The following BLZF1 variants were observed in gnomAD, a reference collection of about 807,000 sequenced individuals.
BLZF1 encodes the protein golgin-45.
In BLZF1, 39 loss-of-function variants were observed where a neutral mutation model predicts 43.8. The observed-to-expected ratio is 0.89, with a 90% confidence interval of 0.69 to 1.16. BLZF1 has a LOEUF of 1.16. BLZF1 is among the 50% of genes most tolerant of loss of function. The pLI is 0.00. For missense variants in BLZF1, 449 were observed against 469.8 expected (o/e 0.96, Z 0.41); for synonymous variants, 136 against 159.4 (o/e 0.85, Z 1.11).
rs372729180 is a variant in BLZF1, at chr1:169,381,976, G to A, written c.798-86G>A. The stretch of plus-strand genomic sequence containing the variant: ...CAGAGAAAGATGTTATATAATTTCA[G>A]AAATATTTGTATTACCTATTTACTA... On this transcript the variant is annotated intron_variant, in intron 5 of 6. Coordinates refer to ENST00000367808, the MANE Select transcript of BLZF1 (RefSeq NM_001320973.2). 5.0e-6 allele frequency: 5 copies of A among 1,007,124 alleles called. No individual in the cohort carries two copies. In the African/African-American group the frequency reaches 6.6e-5, roughly 13 times the overall value. The allele number at this position is 1,007,124 out of a possible 1,614,324, so 62.4% of individuals were successfully genotyped here. A position where few individuals can be genotyped will look rare whatever the true frequency, so the allele number is the denominator to read the frequency against.
At chr1:169,369,421 C>G (rs901858522) in intron 1 of BLZF1, 52 bp from the exon 2 acceptor site, 81 of 911,142 alleles carry the variant, frequency 8.9e-5, no homozygotes, top group Non-Finnish European at 1.2e-4. Context: ...TGGAGGTACT[C>G]TATGTGTTTA....
rs1297195838 is a variant in BLZF1 at position 169,388,212 on chromosome 1, A to T, written c.*1030A>T. On this transcript the variant is annotated 3_prime_UTR_variant, in exon 7 of 7. Coordinates refer to ENST00000367808, the MANE Select transcript of BLZF1 (RefSeq NM_001320973.2). ...ATCTTCAAAAGACAAACCTGGTCAA[A>T]TAATAATAATTTTAATGTCAATGAT... The T allele has an allele frequency of 1.3e-5, 2 of 152,326 alleles. No homozygotes were observed. Among genetic ancestry groups the T allele is most frequent in the East Asian group, 3.9e-4 (2 of 5,182 alleles). The allele number at this position is 152,326 out of a possible 1,614,324, so 9.4% of individuals were successfully genotyped here.
chr1:169,386,273 C>G (rs1254535388), intron 6 of BLZF1, among the ~76,000 whole-genome samples: 2 of 152,054 alleles, frequency 1.3e-5, no homozygotes, highest in Non-Finnish European at 2.9e-5. Context: ...AAAAAGTTAT[C>G]AAGGATTTTG....
In BLZF1 at chr1:169,373,949, G is replaced by A. The variant is rs1654210438; in HGVS notation, c.29-2591G>A. Among the ~76,000 whole-genome samples the A allele has an allele frequency of 3.9e-5, 6 of 152,112 alleles. No homozygotes were observed. The South Asian group carries it at 1.2e-3, about 32-fold the overall frequency. Reference sequence around the variant, plus strand: ...CATGGCTGTAGTGCGTGTTTTTATTGTTGATGGTTTTTATTAATTTATAGT... The same window carrying A: ...CATGGCTGTAGTGCGTGTTTTTATTATTGATGGTTTTTATTAATTTATAGT... On this transcript the variant is annotated intron_variant, in intron 2 of 6. Transcript: ENST00000367808.
chr1:169,375,476 T>C (rs142833395), intron 2 of BLZF1, among the ~76,000 whole-genome samples: 200 of 141,172 alleles, frequency 1.4e-3, no homozygotes, highest in African/African-American at 5.0e-3. Flanking sequence ...CAATCAGTAG[T>C]TCATGATTGT....
In BLZF1 at chr1:169,376,727, A is replaced by C. The variant is rs564287842; in HGVS notation, c.216A>C (p.Lys72Asn). 9 of 1,613,274 alleles carry C rather than the reference A, an allele frequency of 5.6e-6. No individual in the cohort carries two copies. Among genetic ancestry groups the C allele is most frequent in the Non-Finnish European group, 5.1e-6 (6 of 1,179,616 alleles). The stretch of plus-strand genomic sequence containing the variant: ...AGCTAGGGAAAATGCTCACTGAAAA[A>C]GCAATGGAAGTTAAAGCTGTAAGAA... ...VLQLGKMLTEKAMEVKAVRIL... is the reference protein window; with the variant it reads ...VLQLGKMLTENAMEVKAVRIL... The change falls in exon 3 of 7, where the codon AAA (lysine) becomes AAC (asparagine). Residue 72 changes from lysine to asparagine, a missense_variant. Transcript: ENST00000367808.
chr1:169,385,693 A>T (rs1654646385), intron 6 of BLZF1, among the ~76,000 whole-genome samples: 1 of 152,230 alleles, frequency 6.6e-6, no homozygotes. Context: ...GATCTCAAAA[A>T]CTAAATTGAA....
At chr1:169,381,197 G>A (rs61505890) in intron 5 of BLZF1, among the ~76,000 whole-genome samples, 2 of 151,716 alleles carry the variant, frequency 1.3e-5, no homozygotes, top group Admixed American at 6.6e-5. Context: ...AGGAATGAAG[G>A]GGGGGGTACA....
Position 169,378,455 on chromosome 1 carries a change from A to G in BLZF1, c.594A>G (p.Thr198=). ...AAAATGAAGCCCTAGGTCGAAACACAGCTCAGCTTTCTGAACAGTTAGAAC... is the reference window on the plus strand; with the variant it reads ...AAAATGAAGCCCTAGGTCGAAACACGGCTCAGCTTTCTGAACAGTTAGAAC... The part of the protein sequence containing the change: ...ILENEALGRN[T]AQLSEQLERM... Residue 198 remains threonine (T), a synonymous_variant, in exon 4 of 7, where the codon ACA becomes ACG. Coordinates refer to ENST00000367808, the MANE Select transcript of BLZF1 (RefSeq NM_001320973.2). The G allele has an allele frequency of 6.2e-7, 1 of 1,613,062 alleles. No individual in the cohort carries two copies. The highest frequency in any genetic ancestry group is 1.3e-5 in the African/African-American group (1 of 75,002).
At chr1:169,369,092 G>A (rs1439355672) in intron 1 of BLZF1, among the ~76,000 whole-genome samples, 1 of 152,124 alleles carries the variant, frequency 6.6e-6, no homozygotes, top group Non-Finnish European at 1.5e-5. Flanking sequence ...GTGTGTGTGT[G>A]TATACAAATT....
intron 3 of BLZF1, chr1:169,377,283 C>T: frequency 2.9e-6 from 1 of 348,942 alleles, no homozygotes; most frequent in South Asian, 7.6e-5. Context: ...CCAAGTCAGG[C>T]ATAGTAATTG....
At chr1:169,390,736 T>A (rs1654796135), downstream of BLZF1, among the ~76,000 whole-genome samples, 1 of 152,198 alleles carries the variant, frequency 6.6e-6, no homozygotes, top group Non-Finnish European at 1.5e-5. Context: ...TCTAAGTGTC[T>A]AAATTACACT....
intron 7 of BLZF1, among the ~76,000 whole-genome samples, chr1:169,395,499 T>C (rs1403112483): frequency 6.6e-6 from 1 of 152,248 alleles, no homozygotes. Context: ...GTAGATCCTA[T>C]TCTTTTTTTA....
At chr1:169,394,154 G>A (rs1654892618) in intron 7 of BLZF1, among the ~76,000 whole-genome samples, 1 of 152,158 alleles carries the variant, frequency 6.6e-6, no homozygotes, top group African/African-American at 2.4e-5. Flanking sequence ...AAATATTCAT[G>A]TCTATATAGT....
rs758378643 is a variant in BLZF1, at chr1:169,378,318, G to C, written c.469-12G>C. On this transcript the variant is annotated splice_polypyrimidine_tract_variant and intron_variant, in intron 3 of 6. Coordinates refer to ENST00000367808, the MANE Select transcript of BLZF1 (RefSeq NM_001320973.2). ...ACTTTGAGCTTGTTGTATTGATTAC[G>C]TTCTCTTCTAGGTAAATCGTGAGTT... The C allele has an allele frequency of 6.2e-7, 1 of 1,609,728 alleles. No homozygotes were observed. The highest frequency in any genetic ancestry group is 1.3e-5 in the African/African-American group (1 of 74,800).
In BLZF1 at chr1:169,369,511, TA is replaced by T. The variant is rs771351827; in HGVS notation, c.-10del. On this transcript the variant is annotated 5_prime_UTR_variant, in exon 2 of 7. Coordinates refer to ENST00000367808, the MANE Select transcript of BLZF1 (RefSeq NM_001320973.2). ...AGTCTTGGAGTGCATTTTCAGTGGT[TA>T]AGGTGAAAAAATGACTACTAAAAAT... 2.9e-5 allele frequency: 47 copies of T among 1,609,264 alleles called. No individual in the cohort carries two copies. The highest frequency in any genetic ancestry group is 3.8e-5 in the Non-Finnish European group (45 of 1,177,380).
Position 169,387,102 on chromosome 1 carries a change from C to G in BLZF1, c.1123C>G (p.Arg375Gly). ...TLLATKKNIG[R>G]FHPYTRYENI... The stretch of plus-strand genomic sequence containing the variant: ...ACTTGCTACAAAGAAAAATATTGGA[C>G]GATTTCATCCCTATACTAGATATGA... Residue 375 changes from arginine (R) to glycine (G), a missense_variant, in exon 7 of 7, where the codon CGA (arginine) becomes GGA (glycine). Arg to Gly is a moderately radical substitution (Grantham distance 125). Transcript: ENST00000367808. 1.2e-6 allele frequency: 2 copies of G among 1,613,350 alleles called. No individual in the cohort carries two copies. The highest frequency in any genetic ancestry group is 1.7e-6 in the Non-Finnish European group (2 of 1,179,702).
chr1:169,388,813 C>T (rs778815869), downstream of BLZF1, among the ~76,000 whole-genome samples: 4 of 151,998 alleles, frequency 2.6e-5, no homozygotes, highest in Non-Finnish European at 2.9e-5. Flanking sequence ...GGCGAAACCC[C>T]ATCTCTACTA....
At chr1:169,376,418 C>T in intron 2 of BLZF1, 122 bp from the exon 3 acceptor site, 4 of 832,962 alleles carry the variant, frequency 4.8e-6, no homozygotes, top group Non-Finnish European at 7.0e-6. Flanking sequence ...TACTTTTTCT[C>T]TGATTTTTTT....
Sources: gnomAD v4.1 joint callset for allele counts (sites outside exome capture counted in the v4.1 genomes callset) on GRCh38, gnomAD v4.1.1 for gene constraint, MANE v1.5 for transcripts, NCBI Gene and HGNC (gene_info 2026-07-23, HGNC 2026-07-21) for gene names.